The following CD244 variants were observed in gnomAD, a reference collection of about 807,000 sequenced individuals.
CD244 encodes the protein natural killer cell receptor 2B4.
A neutral mutation model predicts 45.5 loss-of-function variants in CD244; 20 were observed. The observed-to-expected ratio is 0.44, with a 90% CI of 0.31 to 0.64. The LOEUF is 0.64. Ranked by LOEUF, CD244 falls within the 30% of genes least tolerant of loss-of-function variation. The pLI is 0.08. For missense variants in CD244, 407 were observed against 426.9 expected, an observed-to-expected ratio of 0.95 and a Z score of 0.41; for synonymous variants, 185 against 160.5, an observed-to-expected ratio of 1.15 and a Z score of -1.15.
At chr1:160,837,919 G>A (rs929406683) in intron 5 of CD244, among the ~76,000 whole-genome samples, 1 of 152,206 alleles carries the variant, frequency 6.6e-6, no homozygotes, top group Non-Finnish European at 1.5e-5. Context: ...GGCTCCTGGA[G>A]GAGCCTACTC....
rs955579336 is a variant in CD244 at position 160,834,195 on chromosome 1, C to T, written c.895-79G>A. On this transcript the variant is annotated intron_variant, in intron 6 of 8. Coordinates refer to ENST00000368034, the MANE Select transcript of CD244 (RefSeq NM_016382.4). ...ACAAAGGTTATCTCTTCCGTTTCTC[C>T]TCCTCAACCCTGCCCAGATGGAAGC... is the stretch of plus-strand genomic sequence containing the variant. The T allele has an allele frequency of 6.6e-6, 7 of 1,061,550 alleles. No individual in the cohort carries two copies. In the African/African-American group the frequency reaches 9.3e-5, roughly 14 times the overall value. The allele number at this position is 1,061,550 out of a possible 1,614,324, so 65.8% of individuals were successfully genotyped here.
intron 1 of CD244, among the ~76,000 whole-genome samples, chr1:160,844,803 C>A (rs1009353143): frequency 6.6e-6 from 1 of 151,958 alleles, no homozygotes. Flanking sequence ...GGTAAAACCT[C>A]GTCTCTACTA....
In CD244 at chr1:160,831,289, T is replaced by C. The variant is rs905695073; in HGVS notation, c.*58A>G. 1 of 1,268,708 alleles carries C rather than the reference T, an allele frequency of 7.9e-7. No individual in the cohort carries two copies. Among genetic ancestry groups the C allele is most frequent in the East Asian group, 2.3e-5 (1 of 43,252 alleles). 78.6% of individuals were successfully genotyped at this position (1,268,708 alleles called of 1,614,324 possible). A position where few individuals can be genotyped will look rare whatever the true frequency, so the allele number is the denominator to read the frequency against. Reference sequence around the variant, plus strand: ...TAGAGACTCCTGTGCCGTCATCCACTGTGCCAATTCCCAAAGCAGATGCTG... The same window carrying C: ...TAGAGACTCCTGTGCCGTCATCCACCGTGCCAATTCCCAAAGCAGATGCTG... On this transcript the variant is annotated 3_prime_UTR_variant, in exon 9 of 9. Transcript: ENST00000368034.
In CD244 at chr1:160,831,413, T is replaced by G. The variant is rs146201991; in HGVS notation, c.1032A>C (p.Gln344His). 5 of 1,613,942 alleles carry G rather than the reference T, an allele frequency of 3.1e-6. No homozygotes were observed. The highest frequency in any genetic ancestry group is 4.2e-6 in the Non-Finnish European group (5 of 1,179,788). The change falls in exon 9 of 9, where the codon CAA becomes CAC. Residue 344 changes from glutamine (Q) to histidine (H), a missense_variant. Physicochemically the swap from Gln to His is conservative, Grantham distance 24. Transcript: ENST00000368034. Reference sequence around the variant, plus strand: ...ATCGAGCAGGGTTCTGGGCTTTAGGTTGACTCTTTCCAATCTGCAAAAGAA... The same window carrying G: ...ATCGAGCAGGGTTCTGGGCTTTAGGGTGACTCTTTCCAATCTGCAAAAGAA... ...STIYEVIGKS[Q>H]PKAQNPARLS...
At chr1:160,855,588 A>G (rs1033071167) in intron 1 of CD244, among the ~76,000 whole-genome samples, 4 of 152,240 alleles carry the variant, frequency 2.6e-5, no homozygotes, top group African/African-American at 7.2e-5. Flanking sequence ...CTACGAAAAC[A>G]TAACTTCAAC....
At chr1:160,842,328 C>A (rs1165161206) in intron 1 of CD244, among the ~76,000 whole-genome samples, 1 of 152,108 alleles carries the variant, frequency 6.6e-6, no homozygotes, top group Non-Finnish European at 1.5e-5. Context: ...CAGCTCACTG[C>A]AGCCTTGAAC....
intron 1 of CD244, among the ~76,000 whole-genome samples, chr1:160,843,678 T>C (rs1273425723): frequency 6.6e-6 from 1 of 152,170 alleles, no homozygotes; most frequent in African/African-American, 2.4e-5. Context: ...ATCCTCCCAC[T>C]AAAAATAGCT....
At chr1:160,856,543 T>C (rs527888286) in intron 1 of CD244, among the ~76,000 whole-genome samples, 1 of 152,238 alleles carries the variant, frequency 6.6e-6, no homozygotes, top group Non-Finnish European at 1.5e-5. Flanking sequence ...CCAGTGTTCC[T>C]ACCTAGAAGG....
chr1:160,840,147 T>A (rs549924929), intron 3 of CD244, among the ~76,000 whole-genome samples: 8 of 150,586 alleles, frequency 5.3e-5, no homozygotes, highest in East Asian at 1.9e-4. Context: ...TTTTTTTTTT[T>A]AAATAGAGAT....
intron 1 of CD244, 136 bp downstream of exon 1, chr1:160,862,481 G>C: frequency 4.3e-6 from 3 of 691,390 alleles, no homozygotes; most frequent in Admixed American, 4.9e-5. Context: ...TAGACTGTCA[G>C]AGCTGTCAGG....
chr1:160,840,847 G>A (rs1260824819), intron 3 of CD244, among the ~76,000 whole-genome samples: 1 of 152,146 alleles, frequency 6.6e-6, no homozygotes, highest in Admixed American at 6.5e-5. Context: ...TGAACTATGT[G>A]GCTTGGAGAA....
intron 1 of CD244, among the ~76,000 whole-genome samples, chr1:160,845,191 T>C (rs1054926677): frequency 1.2e-4 from 18 of 152,066 alleles, no homozygotes; most frequent in African/African-American, 3.9e-4. Flanking sequence ...TACCTGAAAT[T>C]GGATTTTTTT....
intron 1 of CD244, among the ~76,000 whole-genome samples, chr1:160,849,212 GA>G (rs1669835203): frequency 1.3e-5 from 2 of 151,926 alleles, no homozygotes. Context: ...TTTGATGTGG[GA>G]GCAGAGGAAA....
At chr1:160,856,842 AT>A (rs1670125498) in intron 1 of CD244, among the ~76,000 whole-genome samples, 1 of 152,216 alleles carries the variant, frequency 6.6e-6, no homozygotes, top group African/African-American at 2.4e-5. Context: ...CTAAAAAAAA[AT>A]CATGTACAGT....
chr1:160,837,529 TGCTCTAACA>T (rs1178299519), intron 5 of CD244, among the ~76,000 whole-genome samples: 1 of 152,198 alleles, frequency 6.6e-6, no homozygotes, highest in Non-Finnish European at 1.5e-5. Flanking sequence ...CATGGGGAGC[TGCTCTAACA>T]GCCTCTGAAC....
In CD244 at chr1:160,838,928, C is replaced by T. The variant is rs1277760304; in HGVS notation, c.766+11G>A. ...CAGGCAGGAGCACCACCCTAAGGACCTTCCACTCACCTGACTGCTTCTCCT... is the reference window on the plus strand; with the variant it reads ...CAGGCAGGAGCACCACCCTAAGGACTTTCCACTCACCTGACTGCTTCTCCT... On this transcript the variant is annotated intron_variant, in intron 4 of 8. Transcript: ENST00000368034. 2 of 1,595,410 alleles carry T rather than the reference C, an allele frequency of 1.3e-6. No individual in the cohort carries two copies. Among genetic ancestry groups the T allele is most frequent in the Admixed American group, 3.3e-5 (2 of 59,714 alleles).
At chr1:160,837,411 C>T (rs1264349230) in intron 5 of CD244, among the ~76,000 whole-genome samples, 1 of 152,156 alleles carries the variant, frequency 6.6e-6, no homozygotes, top group East Asian at 1.9e-4. Flanking sequence ...AACAAAGTCC[C>T]CTTTTATTAT....
intron 1 of CD244, chr1:160,848,467 C>A: frequency 3.7e-6 from 2 of 544,770 alleles, no homozygotes; most frequent in Admixed American, 3.9e-5. Context: ...GCAAGACCAG[C>A]AAGAAGATCA....
chr1:160,832,950 C>CACACAT lies in CD244; in HGVS notation c.961-381_961-376dup, dbSNP rs11272376. Among the ~76,000 whole-genome samples the CACACAT allele has an allele frequency of 1.7e-3, 257 of 148,910 alleles. 1 individual carries two copies. The highest frequency in any genetic ancestry group is 9.9e-3 in the East Asian group (50 of 5,062). ...TACACACACACATTCCCAGAGCACA[C>CACACAT]ACACATACACATACACATACACATA... On this transcript the variant is annotated intron_variant, in intron 7 of 8. Transcript: ENST00000368034.
Sources: gnomAD v4.1 joint callset for allele counts (sites outside exome capture counted in the v4.1 genomes callset) on GRCh38, gnomAD v4.1.1 for gene constraint, MANE v1.5 for transcripts, NCBI Gene and HGNC (gene_info 2026-07-23, HGNC 2026-07-21) for gene names.